The following SF3B3 variants were observed in gnomAD, a reference collection of about 807,000 sequenced individuals.
SF3B3 encodes SAP 130.
Under a neutral mutation model 139.2 loss-of-function variants are expected in SF3B3, and 33 were observed. The observed-to-expected ratio is 0.24, with a 90% confidence interval of 0.18 to 0.32. The LOEUF is 0.32. Among genes scored for constraint, SF3B3 ranks in the 10% least tolerant of loss-of-function variants. The probability of loss-of-function intolerance (pLI) is 1.00; values close to 1 mark genes in which losing one functional copy is unlikely to be tolerated. For synonymous variants in SF3B3, 596 were observed against 563.6 expected (o/e 1.06, Z -0.81); for missense variants, 818 against 1,509.4 (o/e 0.54, Z 7.59).
Position 70,524,445 on chromosome 16 carries a change from G to A in SF3B3, c.-71+517G>A, listed in dbSNP as rs1321823723. On this transcript the variant is annotated intron_variant, in intron 1 of 25. Coordinates refer to ENST00000302516, the MANE Select transcript of SF3B3 (RefSeq NM_012426.5). ...TGATGTTTCCTTGGAGGATGGAGAA[G>A]ATGCAGTGAGCAATCATACAAGCTT... 4 of 152,300 alleles carry A rather than the reference G, an allele frequency of 2.6e-5. No individual in the cohort carries two copies. In the East Asian group the frequency reaches 5.8e-4, roughly 22 times the overall value. 9.4% of individuals were successfully genotyped at this position (152,300 alleles called of 1,614,324 possible).
At chr16:70,556,443 G>T (rs1208744310) in intron 14 of SF3B3, 109 bp downstream of exon 14, 3 of 1,250,178 alleles carry the variant, frequency 2.4e-6, no homozygotes, top group Non-Finnish European at 3.5e-6. Context: ...AGATCAGCTG[G>T]GTTAGAACCC....
chr16:70,554,418 T>TAA, intron 11 of SF3B3, 28 bp from the exon 12 acceptor site: 1 of 1,611,748 alleles, frequency 6.2e-7, no homozygotes, highest in Non-Finnish European at 8.5e-7. Context: ...AGTTCTTATC[T>TAA]AACCAACTCC....
rs1227662493 is a variant in SF3B3, at chr16:70,541,844, C to T, written c.1233+10C>T. The T allele has an allele frequency of 6.8e-6, 11 of 1,609,208 alleles. No homozygotes were observed. Among genetic ancestry groups the T allele is most frequent in the Non-Finnish European group, 9.3e-6 (11 of 1,176,966 alleles). ...CATTCTGTTTTGCCAGGTTGGTGGG[C>T]CTTTCCAGCCCCTTCCACAATAGAT... On this transcript the variant is annotated intron_variant, in intron 9 of 25. Transcript: ENST00000302516.
At chr16:70,530,041 G>T (rs972305683) in intron 3 of SF3B3, among the ~76,000 whole-genome samples, 2 of 151,708 alleles carry the variant, frequency 1.3e-5, no homozygotes, top group Non-Finnish European at 2.9e-5. Flanking sequence ...CAGGAGAATC[G>T]CTTGAACCCG....
In SF3B3 at chr16:70,571,721, A is replaced by G. The variant is rs1341853015; in HGVS notation, c.3562A>G (p.Asn1188Asp). The G allele has an allele frequency of 4.3e-6, 7 of 1,614,190 alleles. No individual in the cohort carries two copies. The highest frequency in any genetic ancestry group is 5.9e-6 in the Non-Finnish European group (7 of 1,180,034). ...LCEQFNSMEP[N>D]KQKNVSEELD... ...TGAGCAGTTCAATTCCATGGAACCC[A>G]ACAAACAAAAGAACGTCTCTGAAGA... Residue 1188 changes from asparagine (N) to aspartate (D), a missense_variant, in exon 26 of 26, where the codon AAC (asparagine) becomes GAC (aspartate). Coordinates refer to ENST00000302516, the MANE Select transcript of SF3B3 (RefSeq NM_012426.5).
At position 70,573,911 on chromosome 16, in the gene SF3B3, G is replaced by A. The variant is rs911259099; in HGVS notation, c.*2098G>A. ...CAGAGGTTCTGCAGATGTTTCCTTTGGAAGATCTCTTGCCAAGAATAGCAT... is the reference window on the plus strand; with the variant it reads ...CAGAGGTTCTGCAGATGTTTCCTTTAGAAGATCTCTTGCCAAGAATAGCAT... On this transcript the variant is annotated 3_prime_UTR_variant, in exon 26 of 26. Coordinates refer to ENST00000302516, the MANE Select transcript of SF3B3 (RefSeq NM_012426.5). 1 of 152,310 alleles carries A rather than the reference G, an allele frequency of 6.6e-6. No homozygotes were observed. Among genetic ancestry groups the A allele is most frequent in the South Asian group, 2.1e-4 (1 of 4,832 alleles). The allele number at this position is 152,310 out of a possible 1,614,324, so 9.4% of individuals were successfully genotyped here.
At chr16:70,564,999 A>C in intron 18 of SF3B3, 66 bp from the exon 19 acceptor site, 2 of 1,477,882 alleles carry the variant, frequency 1.4e-6, no homozygotes, top group South Asian at 1.1e-5. Flanking sequence ...CTTGCTACCT[A>C]TCCTCTTCTC....
At chr16:70,566,682 C>T (rs983783451) in intron 20 of SF3B3, among the ~76,000 whole-genome samples, 2 of 152,168 alleles carry the variant, frequency 1.3e-5, no homozygotes, top group Admixed American at 1.3e-4. Flanking sequence ...TCAACCCTAC[C>T]ATAAGGGGAG....
At chr16:70,524,049 G>A (rs1342345348) in intron 1 of SF3B3, 121 bp downstream of exon 1, 4 of 398,918 alleles carry the variant, frequency 1.0e-5, no homozygotes, top group Non-Finnish European at 1.8e-5. Flanking sequence ...CTGGGGACCA[G>A]GAGGAGGTAC....
intron 9 of SF3B3, among the ~76,000 whole-genome samples, chr16:70,543,110 C>T (rs1305478008): frequency 1.3e-5 from 2 of 151,314 alleles, no homozygotes; most frequent in Non-Finnish European, 2.9e-5. Flanking sequence ...ATAGTTTATT[C>T]ATCAAGAATA....
intron 18 of SF3B3, 82 bp downstream of exon 18, chr16:70,564,132 AG>A (rs1321760521): frequency 7.7e-6 from 11 of 1,433,032 alleles, no homozygotes; most frequent in Non-Finnish European, 9.5e-6. Context: ...GCACTTTGGG[AG>A]GCTGAGGTGG....
intron 2 of SF3B3, among the ~76,000 whole-genome samples, chr16:70,527,167 A>G (rs1193450446): frequency 6.6e-6 from 1 of 152,212 alleles, no homozygotes; most frequent in African/African-American, 2.4e-5. Context: ...TATGAGAGAA[A>G]AGGGAAAATG....
intron 17 of SF3B3, 40 bp from the exon 18 acceptor site, chr16:70,563,836 C>T (rs770077869): frequency 2.5e-6 from 4 of 1,598,592 alleles, no homozygotes; most frequent in Admixed American, 1.7e-5. Context: ...TTTCTGGGTC[C>T]GAGTGAGTAT....
chr16:70,530,994 G>T (rs910362392), intron 4 of SF3B3, 77 bp downstream of exon 4: 34 of 1,383,158 alleles, frequency 2.5e-5, no homozygotes, highest in Non-Finnish European at 3.3e-5. Flanking sequence ...CCGGCCGGGC[G>T]TGGTGGCTCA....
At chr16:70,550,795 G>A in intron 11 of SF3B3, 1 of 292,298 alleles carries the variant, frequency 3.4e-6, no homozygotes, top group African/African-American at 2.3e-5. Context: ...CTTTGCAGTT[G>A]GATGTCACTG....
At chr16:70,527,863 C>T (rs1214433103) in intron 2 of SF3B3, among the ~76,000 whole-genome samples, 8 of 152,010 alleles carry the variant, frequency 5.3e-5, no homozygotes. Context: ...GCCACCTCCG[C>T]CTCCTGGGTT....
chr16:70,569,807 T>G, intron 23 of SF3B3, 199 bp from the exon 24 acceptor site: 1 of 550,292 alleles, frequency 1.8e-6, no homozygotes, highest in South Asian at 2.1e-5. Context: ...TTTGTGGGTA[T>G]GGGTATACGA....
intron 6 of SF3B3, chr16:70,538,107 A>C: frequency 1.4e-6 from 1 of 707,426 alleles, no homozygotes; most frequent in Non-Finnish European, 2.6e-6. Context: ...TGTAGAGTGG[A>C]ATTGGGACTC....
intron 15 of SF3B3, among the ~76,000 whole-genome samples, chr16:70,557,906 A>G (rs1305252830): frequency 1.3e-5 from 2 of 152,208 alleles, no homozygotes; most frequent in Non-Finnish European, 2.9e-5. Context: ...AAATATAACA[A>G]TAGTTCCTTA....
Sources: gnomAD v4.1 joint callset for allele counts (sites outside exome capture counted in the v4.1 genomes callset) on GRCh38, gnomAD v4.1.1 for gene constraint, MANE v1.5 for transcripts, NCBI Gene and HGNC (gene_info 2026-07-23, HGNC 2026-07-21) for gene names.